Variants in SPATA16 observed in about 807,000 individuals in gnomAD.
SPATA16 encodes the protein spermatogenesis associated 16, also known as spermatogenesis-associated protein 16.
Under a neutral mutation model 63.3 loss-of-function variants are expected in SPATA16, and 36 were observed. That is an observed-to-expected ratio of 0.57 (90% CI 0.44 to 0.75). The LOEUF (loss-of-function observed/expected upper bound fraction) is 0.75. Among genes scored for constraint, SPATA16 ranks in the 30% least tolerant of loss-of-function variants. The pLI is 0.00. For synonymous variants in SPATA16, 203 were observed against 216.7 expected, an observed-to-expected ratio of 0.94 and a Z score of 0.56; for missense variants, 646 against 679.3, an observed-to-expected ratio of 0.95 and a Z score of 0.54.
chr3:173,060,007 A>G (rs1736341404), intron 2 of SPATA16, among the ~76,000 whole-genome samples: 2 of 152,114 alleles, frequency 1.3e-5, no homozygotes, highest in Non-Finnish European at 2.9e-5. Context: ...CTGTAATCCC[A>G]GCACTTTGGG....
At chr3:173,091,394 G>A (rs750239521) in intron 2 of SPATA16, among the ~76,000 whole-genome samples, 2 of 151,664 alleles carry the variant, frequency 1.3e-5, no homozygotes, top group Admixed American at 1.3e-4. Flanking sequence ...TGGATTTAAT[G>A]TGTAGAAATT....
intron 6 of SPATA16, among the ~76,000 whole-genome samples, chr3:172,946,082 C>A (rs1355545784): frequency 6.6e-6 from 1 of 152,174 alleles, no homozygotes; most frequent in Non-Finnish European, 1.5e-5. Flanking sequence ...TTCTCTCAGA[C>A]AACATTACCA....
At chr3:172,934,016 C>T (rs1398356724) in intron 6 of SPATA16, among the ~76,000 whole-genome samples, 1 of 151,966 alleles carries the variant, frequency 6.6e-6, no homozygotes, top group African/African-American at 2.4e-5. Context: ...CCTGGTGATG[C>T]CATTATTACA....
At chr3:173,099,055 C>T (rs1243239060) in intron 2 of SPATA16, among the ~76,000 whole-genome samples, 4 of 152,172 alleles carry the variant, frequency 2.6e-5, no homozygotes, top group African/African-American at 9.6e-5. Flanking sequence ...TTGACTTTGT[C>T]ATGGCTTGAT....
intron 10 of SPATA16, among the ~76,000 whole-genome samples, chr3:172,897,283 G>C (rs1000161371): frequency 4.6e-5 from 7 of 151,882 alleles, no homozygotes; most frequent in African/African-American, 1.7e-4. Flanking sequence ...TTTATTTCTG[G>C]GTTCTCTATT....
chr3:173,049,872 C>T (rs934113905), intron 2 of SPATA16, among the ~76,000 whole-genome samples: 6 of 151,876 alleles, frequency 4.0e-5, no homozygotes, highest in Non-Finnish European at 8.8e-5. Flanking sequence ...TTTTTTTCCC[C>T]TCAGAGTATT....
chr3:172,993,458 T>C (rs543687965), intron 4 of SPATA16, among the ~76,000 whole-genome samples: 11 of 152,096 alleles, frequency 7.2e-5, no homozygotes, highest in South Asian at 2.1e-4. Flanking sequence ...TAGTAATTAA[T>C]TGAGGGCCAA....
At chr3:173,054,630 A>G (rs1206180007) in intron 2 of SPATA16, among the ~76,000 whole-genome samples, 4 of 151,712 alleles carry the variant, frequency 2.6e-5, no homozygotes, top group Non-Finnish European at 5.9e-5. Context: ...ACCAGGGCCT[A>G]TTGGGGGTGG....
chr3:172,898,152 T>A (rs888218996), intron 10 of SPATA16, among the ~76,000 whole-genome samples: 3 of 152,040 alleles, frequency 2.0e-5, no homozygotes, highest in African/African-American at 7.2e-5. Context: ...ATTCTATTTG[T>A]TAATGATGTT....
chr3:172,976,897 G>A, intron 5 of SPATA16, 71 bp downstream of exon 5: 1 of 1,236,914 alleles, frequency 8.1e-7, no homozygotes, highest in Non-Finnish European at 1.2e-6. Flanking sequence ...AGTCTTTTAA[G>A]CACCAATCTT....
At chr3:173,122,349 T>C (rs1738098500) in intron 1 of SPATA16, among the ~76,000 whole-genome samples, 1 of 152,180 alleles carries the variant, frequency 6.6e-6, no homozygotes, top group Non-Finnish European at 1.5e-5. Flanking sequence ...TATTGCTTCA[T>C]AGATTCAATC....
chr3:172,995,105 G>A (rs534418086), intron 4 of SPATA16, among the ~76,000 whole-genome samples: 1 of 152,034 alleles, frequency 6.6e-6, no homozygotes, highest in African/African-American at 2.4e-5. Flanking sequence ...AATGGACAAG[G>A]AAAAGAAAAT....
At chr3:173,028,058 C>CCTTT (rs1735507568) in intron 3 of SPATA16, among the ~76,000 whole-genome samples, 1 of 105,206 alleles carries the variant, frequency 9.5e-6, no homozygotes, top group African/African-American at 4.6e-5. Flanking sequence ...TTCCTTCCTT[C>CCTTT]CTTCCTTCCT....
chr3:172,988,328 A>T (rs16846377), intron 4 of SPATA16, among the ~76,000 whole-genome samples: 31,640 of 152,172 alleles, frequency 0.21, 5,169 homozygotes, highest in African/African-American at 0.46. Flanking sequence ...ACATCTGAAT[A>T]TTTAAGCTGA....
intron 2 of SPATA16, among the ~76,000 whole-genome samples, chr3:173,090,874 G>C (rs1460338741): frequency 6.6e-6 from 1 of 152,196 alleles, no homozygotes; most frequent in Non-Finnish European, 1.5e-5. Context: ...TGGCAAGATT[G>C]CATGTAATCA....
intron 2 of SPATA16, among the ~76,000 whole-genome samples, chr3:173,102,237 C>A (rs566845010): frequency 6.6e-6 from 1 of 152,282 alleles, no homozygotes; most frequent in Admixed American, 6.5e-5. Context: ...TAAGAATTTT[C>A]TCAACTTATT....
intron 2 of SPATA16, among the ~76,000 whole-genome samples, chr3:173,078,453 G>A (rs760774087): frequency 2.6e-5 from 4 of 152,160 alleles, no homozygotes; most frequent in Non-Finnish European, 5.9e-5. Context: ...GGAATTTCTT[G>A]GCTAAAAACG....
At chr3:173,088,260 T>G (rs747778460) in intron 2 of SPATA16, among the ~76,000 whole-genome samples, 139 of 151,742 alleles carry the variant, frequency 9.2e-4, no homozygotes, top group Non-Finnish European at 1.9e-3. Context: ...AATTTTTGTA[T>G]TTTTAGTAGA....
At chr3:172,947,065 A>G (rs1330272159) in intron 6 of SPATA16, among the ~76,000 whole-genome samples, 1 of 152,154 alleles carries the variant, frequency 6.6e-6, no homozygotes, top group Non-Finnish European at 1.5e-5. Flanking sequence ...AGTCCAGGGA[A>G]TGCTCCTGGA....
Sources: gnomAD v4.1 joint callset for allele counts (sites outside exome capture counted in the v4.1 genomes callset) on GRCh38, gnomAD v4.1.1 for gene constraint, MANE v1.5 for transcripts, NCBI Gene and HGNC (gene_info 2026-07-23, HGNC 2026-07-21) for gene names.